NAV3: variants seen among roughly 807,000 people sequenced by gnomAD.
The protein encoded by NAV3 is neuron navigator 3.
NAV3 carries 87 observed loss-of-function variants against 244.7 expected under a neutral mutation model. That is an observed-to-expected ratio of 0.36 (90% CI 0.30 to 0.42). The LOEUF is 0.42. Among genes scored for constraint, NAV3 ranks in the 20% least tolerant of loss-of-function variants. The pLI is 1.00. For synonymous variants in NAV3, 1,126 were observed against 1,042.2 expected (o/e 1.08, Z -1.55); for missense variants, 2,663 against 2,893.3 (o/e 0.92, Z 1.83).
intron 9 of NAV3, among the ~76,000 whole-genome samples, chr12:78,041,387 A>C (rs1406473086): frequency 6.6e-6 from 1 of 152,220 alleles, no homozygotes; most frequent in Non-Finnish European, 1.5e-5. Context: ...CAAAGTGAGG[A>C]ATAATGAACA....
chr12:77,830,213 C>A (rs999619051), upstream of NAV3, among the ~76,000 whole-genome samples: 1 of 152,160 alleles, frequency 6.6e-6, no homozygotes. Context: ...TCTGTTTGGA[C>A]AGTTTTTAGA....
At chr12:78,046,740 A>G (rs554622628) in intron 9 of NAV3, among the ~76,000 whole-genome samples, 2 of 152,158 alleles carry the variant, frequency 1.3e-5, no homozygotes, top group Non-Finnish European at 2.9e-5. Context: ...GTAGATGTCT[A>G]TTAGGTCCAC....
At chr12:77,596,793 G>A (rs200117347) in intron 2 of NAV3, among the ~76,000 whole-genome samples, 3 of 151,998 alleles carry the variant, frequency 2.0e-5, no homozygotes, top group Non-Finnish European at 2.9e-5. Context: ...GACTTTTTGC[G>A]GGAAAAAAGT....
intron 2 of NAV3, among the ~76,000 whole-genome samples, chr12:77,647,835 A>G (rs1565752025): frequency 1.3e-5 from 2 of 152,266 alleles, no homozygotes; most frequent in Admixed American, 1.3e-4. Flanking sequence ...TTGATTTTAA[A>G]GCACAGATCT....
At chr12:77,766,541 A>C (rs1182675894) in intron 2 of NAV3, among the ~76,000 whole-genome samples, 1 of 152,152 alleles carries the variant, frequency 6.6e-6, no homozygotes, top group Admixed American at 6.5e-5. Flanking sequence ...AGGAGAGGAT[A>C]ATTTTAGCAT....
chr12:78,203,740 G>C (rs1435654115), intron 38 of NAV3, among the ~76,000 whole-genome samples: 1 of 152,042 alleles, frequency 6.6e-6, no homozygotes, highest in East Asian at 1.9e-4. Flanking sequence ...GGTAAAGCAA[G>C]TCAAATGGGG....
At chr12:77,795,004 C>A (rs747977912) in intron 2 of NAV3, among the ~76,000 whole-genome samples, 7 of 152,002 alleles carry the variant, frequency 4.6e-5, no homozygotes, top group Non-Finnish European at 1.0e-4. Flanking sequence ...AGTGTTCAAG[C>A]GAGAGGACAA....
At chr12:77,673,432 T>C (rs1157099150) in intron 2 of NAV3, among the ~76,000 whole-genome samples, 1 of 152,144 alleles carries the variant, frequency 6.6e-6, no homozygotes, top group Non-Finnish European at 1.5e-5. Context: ...TAATAACTGT[T>C]AAGGTTTTCT....
rs770038391 is a variant in NAV3, at chr12:78,119,747, T to C, written c.3551T>C (p.Ile1184Thr). Residue 1184 changes from isoleucine to threonine, a missense_variant, in exon 15 of 40, where the codon ATT becomes ACT. By Grantham distance (89) the Ile-to-Thr change is moderately conservative. Transcript: ENST00000397909. ...TTSKLREPTKIGSGRSSPVTV... is the reference protein window; with the variant it reads ...TTSKLREPTKTGSGRSSPVTV... ...TCGAAACTGAGAGAACCAACTAAAA[T>C]TGGGTCAGGGCGCTCGAGTCCTGTC... is the stretch of plus-strand genomic sequence containing the variant. 6.2e-7 allele frequency: 1 copy of C among 1,613,906 alleles called. No homozygotes were observed. The highest frequency in any genetic ancestry group is 1.1e-5 in the South Asian group (1 of 91,050).
At chr12:77,666,543 G>A (rs1014515974) in intron 2 of NAV3, among the ~76,000 whole-genome samples, 5 of 152,006 alleles carry the variant, frequency 3.3e-5, no homozygotes, top group South Asian at 2.1e-4. Flanking sequence ...TTAATTTAAC[G>A]CATTCTGAGA....
At chr12:78,087,539 C>A (rs575625031) in intron 12 of NAV3, among the ~76,000 whole-genome samples, 6 of 151,958 alleles carry the variant, frequency 3.9e-5, no homozygotes, top group African/African-American at 1.4e-4. Context: ...GGATTTAATG[C>A]TTGGTTTTAT....
chr12:77,851,839 G>T (rs1277610806), intron 1 of NAV3, among the ~76,000 whole-genome samples: 3 of 152,120 alleles, frequency 2.0e-5, no homozygotes, highest in African/African-American at 7.2e-5. Flanking sequence ...TAACAATACT[G>T]GCTATCATTT....
chr12:77,704,902 T>C (rs987599511), intron 2 of NAV3, among the ~76,000 whole-genome samples: 3 of 152,212 alleles, frequency 2.0e-5, no homozygotes, highest in African/African-American at 7.2e-5. Flanking sequence ...CCCTAGGATA[T>C]TGGAATTTCA....
At chr12:78,127,536 C>T (rs1224802189) in intron 17 of NAV3, among the ~76,000 whole-genome samples, 2 of 152,104 alleles carry the variant, frequency 1.3e-5, no homozygotes, top group African/African-American at 4.8e-5. Context: ...TTGGGGGCAG[C>T]AACTTTGGTA....
chr12:78,122,106 G>GGCA lies in NAV3; in HGVS notation c.3925_3927dup (p.Ser1309dup). ...CATGGGCAGTGCTGGTGGGCTAAGCGGCAGCAGCAGCCCTCTCTTCAATAA... is the reference window on the plus strand; with the variant it reads ...CATGGGCAGTGCTGGTGGGCTAAGCGGCAGCAGCAGCAGCCCTCTCTTCAATAA... On this transcript the variant is annotated inframe_insertion, in exon 16 of 40. Coordinates refer to ENST00000397909, the MANE Select transcript of NAV3 (RefSeq NM_001024383.2). 1.9e-6 allele frequency: 3 copies of GGCA among 1,614,138 alleles called. No homozygotes were observed. In the South Asian group the frequency reaches 3.3e-5, roughly 18 times the overall value.
At chr12:77,932,976 C>T (rs761061655) in intron 1 of NAV3, among the ~76,000 whole-genome samples, 3 of 152,200 alleles carry the variant, frequency 2.0e-5, no homozygotes, top group Non-Finnish European at 2.9e-5. Flanking sequence ...CCCCTTCCTT[C>T]TGATTGTCAA....
chr12:77,758,156 G>C (rs1309991809), intron 2 of NAV3, among the ~76,000 whole-genome samples: 2 of 152,126 alleles, frequency 1.3e-5, no homozygotes, highest in African/African-American at 4.8e-5. Context: ...CATTTCGTCA[G>C]AGATGCCTGT....
Position 78,034,462 on chromosome 12 carries a change from GC to G in NAV3, c.2023+12603del, listed in dbSNP as rs577171584. On this transcript the variant is annotated intron_variant, in intron 9 of 39. Coordinates refer to ENST00000397909, the MANE Select transcript of NAV3 (RefSeq NM_001024383.2). ...GGCACAGCGAACTGTGTTTTGATAA[GC>G]CCTCCGAGTGGTTCTGAACATATGA... Among the ~76,000 whole-genome samples, 683 of 152,310 alleles carry G rather than the reference GC, an allele frequency of 4.5e-3. 5 individuals are homozygous for G. The highest frequency in any genetic ancestry group is 9.8e-3 in the Admixed American group (150 of 15,302).
At chr12:78,100,172 G>T (rs908876302) in intron 12 of NAV3, among the ~76,000 whole-genome samples, 1 of 151,892 alleles carries the variant, frequency 6.6e-6, no homozygotes, top group East Asian at 1.9e-4. Context: ...AGAATGGAAA[G>T]ACTTTAACCT....
Sources: allele counts gnomAD v4.1 joint callset (sites outside exome capture counted in the v4.1 genomes callset), GRCh38; gene constraint gnomAD v4.1.1; transcripts MANE v1.5; gene names NCBI Gene and HGNC (gene_info 2026-07-23, HGNC 2026-07-21).